The following GRIK2 variants were observed in gnomAD, a reference collection of about 807,000 sequenced individuals.
The protein encoded by GRIK2 is glutamate ionotropic receptor kainate type subunit 2, also known as glutamate receptor ionotropic, kainate 2.
A neutral mutation model predicts 100.3 loss-of-function variants in GRIK2; 32 were observed. That is an observed-to-expected ratio of 0.32 (90% CI 0.24 to 0.43). The LOEUF (loss-of-function observed/expected upper bound fraction) is 0.43, where lower values mean the gene tolerates loss of function less well. Among genes scored for constraint, GRIK2 ranks in the 20% least tolerant of loss-of-function variants. GRIK2 has a pLI of 1.00. For synonymous variants in GRIK2, 417 were observed against 389.4 expected (o/e 1.07, Z -0.83); for missense variants, 843 against 1,114.9 (o/e 0.76, Z 3.47).
chr6:101,935,135 G>A (rs1419347677), intron 14 of GRIK2, among the ~76,000 whole-genome samples: 5 of 151,716 alleles, frequency 3.3e-5, no homozygotes, highest in East Asian at 1.9e-4. Flanking sequence ...ACTATTACGC[G>A]GATTCTAATA....
chr6:101,805,201 A>C (rs946602830), intron 9 of GRIK2, among the ~76,000 whole-genome samples: 2 of 151,844 alleles, frequency 1.3e-5, no homozygotes, highest in East Asian at 3.9e-4. Flanking sequence ...ACAGTTTAGA[A>C]GGGCCAATAG....
chr6:101,649,541 T>G (rs1190568695), intron 4 of GRIK2, among the ~76,000 whole-genome samples: 1 of 152,092 alleles, frequency 6.6e-6, no homozygotes, highest in Non-Finnish European at 1.5e-5. Context: ...ATAATCAGCT[T>G]TCACCCTTCT....
chr6:101,741,208 A>G (rs918649285), intron 7 of GRIK2, among the ~76,000 whole-genome samples: 42 of 141,492 alleles, frequency 3.0e-4, no homozygotes, highest in African/African-American at 1.2e-3. Context: ...GGAATTTTAA[A>G]TAATTCACCA....
At chr6:101,942,279 T>A (rs1156946514) in intron 14 of GRIK2, among the ~76,000 whole-genome samples, 1 of 152,148 alleles carries the variant, frequency 6.6e-6, no homozygotes, top group Non-Finnish European at 1.5e-5. Context: ...TAGCATCATC[T>A]CCATTTTCAA....
chr6:101,521,550 A>G (rs1352979271), intron 2 of GRIK2, among the ~76,000 whole-genome samples: 1 of 151,888 alleles, frequency 6.6e-6, no homozygotes, highest in Non-Finnish European at 1.5e-5. Context: ...ATAGTTTTAA[A>G]ATTTCTTTTG....
chr6:101,995,565 A>C (rs1040525710), intron 14 of GRIK2, among the ~76,000 whole-genome samples: 7 of 152,006 alleles, frequency 4.6e-5, no homozygotes, highest in African/African-American at 1.7e-4. Flanking sequence ...TTAAATGCTC[A>C]TCAACGTCTT....
At chr6:101,739,321 C>T (rs1272679910) in intron 7 of GRIK2, among the ~76,000 whole-genome samples, 1 of 152,114 alleles carries the variant, frequency 6.6e-6, no homozygotes, top group Non-Finnish European at 1.5e-5. Flanking sequence ...AAAACTCTTC[C>T]ATTAATTTTT....
chr6:101,849,056 ATAATAT>A (rs1399779923), intron 10 of GRIK2, among the ~76,000 whole-genome samples: 1 of 151,740 alleles, frequency 6.6e-6, no homozygotes, highest in East Asian at 2.0e-4. Context: ...TCAAATAAAA[ATAATAT>A]TAAACAGGGT....
rs182644036 is a variant in GRIK2, at chr6:101,844,085, A to G, written c.1318-15202A>G. On this transcript the variant is annotated intron_variant, in intron 10 of 16. Coordinates refer to ENST00000369134, the MANE Select transcript of GRIK2 (RefSeq NM_021956.5). Reference sequence around the variant, plus strand: ...AATATGACCTCATTTTTAATTTTACAGGGTGTAATCAAGAAAAAAAGAAAG... The same window carrying G: ...AATATGACCTCATTTTTAATTTTACGGGGTGTAATCAAGAAAAAAAGAAAG... Among the ~76,000 whole-genome samples, 384 of 152,272 alleles carry G rather than the reference A, an allele frequency of 2.5e-3. 2 individuals carry two copies. Among genetic ancestry groups the G allele is most frequent in the Non-Finnish European group, 3.4e-3 (228 of 67,994 alleles).
intron 4 of GRIK2, among the ~76,000 whole-genome samples, chr6:101,648,279 C>T (rs1781623389): frequency 6.6e-6 from 1 of 151,920 alleles, no homozygotes; most frequent in African/African-American, 2.4e-5. Context: ...TTCACATAAC[C>T]ATTTGTTAAA....
At chr6:101,765,038 CTTG>C (rs1218234933) in intron 7 of GRIK2, among the ~76,000 whole-genome samples, 8 of 152,116 alleles carry the variant, frequency 5.3e-5, no homozygotes, top group African/African-American at 1.7e-4. Context: ...TCAACACTGT[CTTG>C]TTGTCTCTCA....
intron 14 of GRIK2, among the ~76,000 whole-genome samples, chr6:101,937,857 G>C (rs142106738): frequency 1.3e-5 from 2 of 152,138 alleles, no homozygotes; most frequent in African/African-American, 4.8e-5. Flanking sequence ...TTAATTACAA[G>C]GTGAATATCC....
At chr6:101,686,437 T>C (rs576174744) in intron 7 of GRIK2, 84 bp downstream of exon 7, 1 of 921,382 alleles carries the variant, frequency 1.1e-6, no homozygotes, top group Non-Finnish European at 1.7e-6. Context: ...TATGCATACA[T>C]ATAAACTTCA....
intron 7 of GRIK2, among the ~76,000 whole-genome samples, chr6:101,702,866 AGGT>A (rs1772992762): frequency 6.6e-6 from 1 of 151,886 alleles, no homozygotes; most frequent in Non-Finnish European, 1.5e-5. Context: ...GAAACAAGCA[AGGT>A]GCATCTGAGG....
At chr6:101,629,838 A>T (rs1234214615) in intron 4 of GRIK2, among the ~76,000 whole-genome samples, 2 of 152,036 alleles carry the variant, frequency 1.3e-5, no homozygotes, top group Non-Finnish European at 2.9e-5. Context: ...TATCCAATAG[A>T]TAGTTTTTCA....
At chr6:101,802,745 T>C (rs1780753365) in intron 9 of GRIK2, among the ~76,000 whole-genome samples, 1 of 151,882 alleles carries the variant, frequency 6.6e-6, no homozygotes, top group African/African-American at 2.4e-5. Context: ...TTTGGTTTAA[T>C]ATGGGTCTTT....
chr6:101,776,110 C>T (rs1778730433), intron 7 of GRIK2, among the ~76,000 whole-genome samples: 1 of 152,010 alleles, frequency 6.6e-6, no homozygotes, highest in Non-Finnish European at 1.5e-5. Context: ...TTTTAGTTTT[C>T]TTCTTCGAAG....
intron 14 of GRIK2, among the ~76,000 whole-genome samples, chr6:101,999,523 A>C (rs1794821843): frequency 6.6e-6 from 1 of 152,110 alleles, no homozygotes; most frequent in African/African-American, 2.4e-5. Context: ...CTTTTGTAGA[A>C]ACACAATTGA....
At chr6:101,780,653 C>A (rs1224997616) in intron 7 of GRIK2, among the ~76,000 whole-genome samples, 2 of 152,176 alleles carry the variant, frequency 1.3e-5, no homozygotes, top group Admixed American at 6.5e-5. Flanking sequence ...CCACTTCTCT[C>A]TTCCTCTGTT....
Sources: allele counts gnomAD v4.1 joint callset (sites outside exome capture counted in the v4.1 genomes callset), GRCh38; gene constraint gnomAD v4.1.1; transcripts MANE v1.5; gene names NCBI Gene and HGNC (gene_info 2026-07-23, HGNC 2026-07-21).